The following PSD3 variants were observed in gnomAD, a reference collection of about 807,000 sequenced individuals.
The protein encoded by PSD3 is pleckstrin and Sec7 domain containing 3.
PSD3 carries 49 observed loss-of-function variants against 105.5 expected under a neutral mutation model. That is an observed-to-expected ratio of 0.46 (90% CI 0.37 to 0.59). The LOEUF is 0.59. Among genes scored for constraint, PSD3 ranks in the 20% least tolerant of loss-of-function variants. PSD3 has a pLI of 0.00. For missense variants in PSD3, 1,561 were observed against 1,263.8 expected (o/e 1.24, Z -3.57); for synonymous variants, 557 against 457.8 (o/e 1.22, Z -2.77).
chr8:18,825,847 G>A (rs561843562), intron 4 of PSD3, among the ~76,000 whole-genome samples: 2 of 152,270 alleles, frequency 1.3e-5, no homozygotes, highest in South Asian at 4.1e-4. Flanking sequence ...TCAGAATCAA[G>A]TTCTTCCGTA....
At chr8:18,565,208 T>C (rs539526497) in intron 14 of PSD3, among the ~76,000 whole-genome samples, 2 of 152,170 alleles carry the variant, frequency 1.3e-5, no homozygotes, top group African/African-American at 4.8e-5. Context: ...ATAGCTGTTG[T>C]GCACACTGAA....
intron 4 of PSD3, among the ~76,000 whole-genome samples, chr8:18,831,654 G>A (rs1813691647): frequency 6.6e-6 from 1 of 152,134 alleles, no homozygotes; most frequent in African/African-American, 2.4e-5. Context: ...CTTGGGAGGC[G>A]GAAGTTGCAG....
At chr8:18,786,229 T>G (rs1809139660) in intron 8 of PSD3, among the ~76,000 whole-genome samples, 1 of 152,090 alleles carries the variant, frequency 6.6e-6, no homozygotes, top group African/African-American at 2.4e-5. Context: ...CAATTTAAAC[T>G]TGAAGAAGAG....
chr8:18,705,551 A>G (rs1001949922), intron 9 of PSD3, among the ~76,000 whole-genome samples: 1 of 151,862 alleles, frequency 6.6e-6, no homozygotes, highest in Non-Finnish European at 1.5e-5. Context: ...AAAAAAAAAA[A>G]AAAAAAAATT....
In PSD3 at chr8:18,529,575, C is replaced by G. The variant is rs1238197325; in HGVS notation, c.*6168G>C. ...AATGGAAAGCAACCACTTTACTGTC[C>G]CCTAAGCTTCAATTTGGTCTAATTA... On this transcript the variant is annotated 3_prime_UTR_variant, in exon 16 of 16. Transcript: ENST00000327040. 6.6e-6 allele frequency: 1 copy of G among 152,506 alleles called. No homozygotes were observed. The highest frequency in any genetic ancestry group is 2.4e-5 in the African/African-American group (1 of 41,388). The allele number at this position is 152,506 out of a possible 1,614,324, so 9.4% of individuals were successfully genotyped here.
chr8:18,974,957 A>T (rs1413798937), intron 1 of PSD3, among the ~76,000 whole-genome samples: 1 of 152,154 alleles, frequency 6.6e-6, no homozygotes, highest in East Asian at 1.9e-4. Flanking sequence ...AGCAGTTACC[A>T]TGCACTGTTG....
At chr8:18,941,488 C>A (rs560196947) in intron 1 of PSD3, among the ~76,000 whole-genome samples, 1 of 152,086 alleles carries the variant, frequency 6.6e-6, no homozygotes, top group Non-Finnish European at 1.5e-5. Context: ...AAAACACACC[C>A]TGTATTTAAA....
At chr8:18,911,914 C>T (rs1012286507) in intron 2 of PSD3, among the ~76,000 whole-genome samples, 1 of 152,132 alleles carries the variant, frequency 6.6e-6, no homozygotes, top group Admixed American at 6.5e-5. Flanking sequence ...TAACTTAATA[C>T]ACACCAAAAC....
chr8:18,608,027 C>A (rs1195003384), intron 11 of PSD3, among the ~76,000 whole-genome samples: 1 of 152,120 alleles, frequency 6.6e-6, no homozygotes, highest in Non-Finnish European at 1.5e-5. Flanking sequence ...CAGGTGGGAA[C>A]TACAATTCAG....
intron 1 of PSD3, among the ~76,000 whole-genome samples, chr8:18,949,244 A>AAATATATATAT (rs1345423514): frequency 2.1e-4 from 3 of 14,406 alleles, no homozygotes; most frequent in African/African-American, 2.9e-4. Context: ...AAAAAAAAAA[A>AAATATATATAT]ATATATATAT....
chr8:18,975,428 G>T (rs1824887996), intron 1 of PSD3, among the ~76,000 whole-genome samples: 1 of 151,780 alleles, frequency 6.6e-6, no homozygotes, highest in African/African-American at 2.4e-5. Flanking sequence ...TGGGATGGAA[G>T]GCATATGCTA....
intron 12 of PSD3, among the ~76,000 whole-genome samples, chr8:18,598,834 A>G (rs1804228349): frequency 1.3e-5 from 2 of 152,170 alleles, no homozygotes; most frequent in East Asian, 3.8e-4. Flanking sequence ...AAACATGATC[A>G]AGAAGGCAAA....
chr8:18,904,435 T>C (rs1001296410), intron 2 of PSD3, among the ~76,000 whole-genome samples: 8 of 152,154 alleles, frequency 5.3e-5, no homozygotes, highest in Non-Finnish European at 1.2e-4. Context: ...GGATCACCCT[T>C]TGTACCAGTG....
At chr8:18,806,034 G>A (rs898976718) in intron 4 of PSD3, among the ~76,000 whole-genome samples, 4 of 152,198 alleles carry the variant, frequency 2.6e-5, no homozygotes, top group African/African-American at 9.6e-5. Context: ...GAGACTACCA[G>A]GAACAGAAGT....
At position 18,828,872 on chromosome 8, in the gene PSD3, G is replaced by A. The variant is rs534561119; in HGVS notation, c.1635-23974C>T. Among the ~76,000 whole-genome samples the A allele has an allele frequency of 4.6e-5, 7 of 152,266 alleles. No individual in the cohort carries two copies. In the South Asian group the frequency reaches 1.5e-3, roughly 32 times the overall value. ...CCAGCACTTTGGGAGGCTGAGGCAA[G>A]CAGATCACATGAGGCCATGAGTTCA... On this transcript the variant is annotated intron_variant, in intron 4 of 15. Transcript: ENST00000327040.
intron 8 of PSD3, among the ~76,000 whole-genome samples, chr8:18,790,040 A>G (rs1191457979): frequency 6.6e-6 from 1 of 152,160 alleles, no homozygotes; most frequent in Non-Finnish European, 1.5e-5. Flanking sequence ...GTTCTTAAAA[A>G]AGCAAAACTA....
At chr8:18,687,465 C>CA (rs1319747013) in intron 9 of PSD3, among the ~76,000 whole-genome samples, 1 of 145,826 alleles carries the variant, frequency 6.9e-6, no homozygotes, top group Non-Finnish European at 1.5e-5. Context: ...GATCCTGTCT[C>CA]AAAAAAAGAA....
intron 4 of PSD3, among the ~76,000 whole-genome samples, chr8:18,817,861 G>T (rs1215162009): frequency 2.0e-5 from 3 of 152,220 alleles, no homozygotes; most frequent in Non-Finnish European, 4.4e-5. Context: ...GAATGCAGCG[G>T]TGAAGAGGGG....
chr8:18,701,040 C>A (rs1051050906), intron 9 of PSD3, among the ~76,000 whole-genome samples: 1 of 152,092 alleles, frequency 6.6e-6, no homozygotes, highest in Non-Finnish European at 1.5e-5. Context: ...GATCATGGCT[C>A]ACTGTAGCCT....
Sources: allele counts gnomAD v4.1 joint callset (sites outside exome capture counted in the v4.1 genomes callset), GRCh38; gene constraint gnomAD v4.1.1; transcripts MANE v1.5; gene names NCBI Gene and HGNC (gene_info 2026-07-23, HGNC 2026-07-21).